Variants in CTNND2 observed in about 807,000 individuals in gnomAD.
CTNND2 encodes the protein catenin delta 2.
Under a neutral mutation model 144.4 loss-of-function variants are expected in CTNND2, and 22 were observed. The observed-to-expected ratio is 0.15, with a 90% CI of 0.11 to 0.22. The LOEUF is 0.22. CTNND2 is among the 10% of genes least tolerant of loss of function. CTNND2 has a pLI of 1.00. For missense variants in CTNND2, 1,353 were observed against 1,618.8 expected, an observed-to-expected ratio of 0.84 and a Z score of 2.82; for synonymous variants, 751 against 695.6, an observed-to-expected ratio of 1.08 and a Z score of -1.25.
At chr5:11,455,281 T>C (rs1197741852) in intron 3 of CTNND2, among the ~76,000 whole-genome samples, 1 of 152,130 alleles carries the variant, frequency 6.6e-6, no homozygotes, top group Non-Finnish European at 1.5e-5. Flanking sequence ...TCCATTTGTG[T>C]TTCCAAGGTG....
intron 2 of CTNND2, among the ~76,000 whole-genome samples, chr5:11,623,331 G>A (rs1244518843): frequency 2.6e-5 from 4 of 152,052 alleles, no homozygotes; most frequent in Admixed American, 1.3e-4. Flanking sequence ...AACTATGGGA[G>A]TGGTTTCCCC....
chr5:11,493,205 C>A (rs1769607886), intron 3 of CTNND2, among the ~76,000 whole-genome samples: 1 of 152,130 alleles, frequency 6.6e-6, no homozygotes, highest in African/African-American at 2.4e-5. Context: ...TGACCACATC[C>A]TGGCCTGCTG....
At chr5:11,790,787 T>G (rs1320212392) in intron 1 of CTNND2, among the ~76,000 whole-genome samples, 1 of 152,186 alleles carries the variant, frequency 6.6e-6, no homozygotes, top group East Asian at 1.9e-4. Context: ...TGGGACAATC[T>G]GACAGTGGAG....
intron 12 of CTNND2, among the ~76,000 whole-genome samples, chr5:11,147,159 C>T (rs1044650058): frequency 2.0e-5 from 3 of 152,182 alleles, no homozygotes; most frequent in African/African-American, 7.2e-5. Context: ...ACATGATCGT[C>T]ATGTACGTGA....
chr5:11,903,894 C>A lies in CTNND2; in HGVS notation c.-41G>T. The A allele has an allele frequency of 7.1e-7, 1 of 1,410,208 alleles. No homozygotes were observed. Among genetic ancestry groups the A allele is most frequent in the Non-Finnish European group, 9.2e-7 (1 of 1,089,388 alleles). 87.4% of individuals were successfully genotyped at this position (1,410,208 alleles called of 1,614,324 possible). On this transcript the variant is annotated 5_prime_UTR_variant, in exon 1 of 22. Coordinates refer to ENST00000304623, the MANE Select transcript of CTNND2 (RefSeq NM_001332.4). The surrounding 1 kb of genome is among the most constrained non-coding windows in gnomAD (Gnocchi z 5.4). The stretch of plus-strand genomic sequence containing the variant: ...GACAGCTCCTCAGTCCGGGAAGAGG[C>A]GTGCGCGGCGCCGCCCGGCTTCAGG...
chr5:11,903,492 G>A lies in CTNND2; in HGVS notation c.37+325C>T. 1 of 709,036 alleles carries A rather than the reference G, an allele frequency of 1.4e-6. No individual in the cohort carries two copies. The allele number at this position is 709,036 out of a possible 1,614,324, so 43.9% of individuals were successfully genotyped here. A position where few individuals can be genotyped will look rare whatever the true frequency, so the allele number is the denominator to read the frequency against. ...TGAATGCACCGAGTATGTTCTCAGGGTGGCGGGGAGCAGCATTGTCGGTGT... is the reference window on the plus strand; with the variant it reads ...TGAATGCACCGAGTATGTTCTCAGGATGGCGGGGAGCAGCATTGTCGGTGT... On this transcript the variant is annotated intron_variant, in intron 1 of 21. Transcript: ENST00000304623. This position sits in a 1 kb window ranked among gnomAD's most constrained non-coding sequence, Gnocchi z 5.4.
intron 2 of CTNND2, among the ~76,000 whole-genome samples, chr5:11,657,633 C>T (rs1428680772): frequency 6.6e-6 from 1 of 152,094 alleles, no homozygotes; most frequent in Non-Finnish European, 1.5e-5. Context: ...GACAATCACA[C>T]TAAAGACTGA....
At chr5:11,669,024 T>C (rs1172848404) in intron 2 of CTNND2, among the ~76,000 whole-genome samples, 1 of 152,198 alleles carries the variant, frequency 6.6e-6, no homozygotes, top group East Asian at 1.9e-4. Flanking sequence ...GAGATAATCA[T>C]GTGGTTTTTG....
intron 1 of CTNND2, among the ~76,000 whole-genome samples, chr5:11,835,497 T>C (rs1483198662): frequency 3.3e-5 from 5 of 152,214 alleles, no homozygotes; most frequent in African/African-American, 1.2e-4. Flanking sequence ...ATTTCCTTAA[T>C]AGCTATAGAA....
At chr5:11,843,557 A>C (rs949215094) in intron 1 of CTNND2, among the ~76,000 whole-genome samples, 4 of 152,216 alleles carry the variant, frequency 2.6e-5, no homozygotes, top group Non-Finnish European at 5.9e-5. Context: ...CATAAACCTG[A>C]TCTCAACAAA....
intron 10 of CTNND2, among the ~76,000 whole-genome samples, chr5:11,220,655 C>T (rs181169226): frequency 8.5e-5 from 13 of 152,238 alleles, no homozygotes; most frequent in East Asian, 1.9e-4. Flanking sequence ...CCCTTCTATG[C>T]GAGGGTGTGC....
chr5:11,251,146 T>C (rs1242484682), intron 9 of CTNND2, among the ~76,000 whole-genome samples: 3 of 152,246 alleles, frequency 2.0e-5, no homozygotes, highest in African/African-American at 7.2e-5. Context: ...ACACAATTAT[T>C]GGCCGGAGTG....
At chr5:11,595,622 T>C (rs1779464160) in intron 2 of CTNND2, among the ~76,000 whole-genome samples, 2 of 152,136 alleles carry the variant, frequency 1.3e-5, no homozygotes, top group African/African-American at 4.8e-5. Flanking sequence ...TTTCACTGTA[T>C]TCAAAGCAGG....
At chr5:11,216,225 C>G (rs1441655272) in intron 10 of CTNND2, among the ~76,000 whole-genome samples, 2 of 152,132 alleles carry the variant, frequency 1.3e-5, no homozygotes, top group Non-Finnish European at 2.9e-5. Flanking sequence ...ACAATGCCCC[C>G]CCACCGCCAC....
chr5:11,203,036 C>G (rs1468845871), intron 10 of CTNND2, among the ~76,000 whole-genome samples: 1 of 152,108 alleles, frequency 6.6e-6, no homozygotes, highest in East Asian at 1.9e-4. Flanking sequence ...AACTCCTGAC[C>G]TCAGGTGATC....
chr5:11,696,609 G>A lies in CTNND2; in HGVS notation c.174+35527C>T, dbSNP rs1322535522. Among the ~76,000 whole-genome samples, 3 of 152,152 alleles carry A rather than the reference G, an allele frequency of 2.0e-5. No homozygotes were observed. The South Asian group carries it at 6.2e-4, about 32-fold the overall frequency. On this transcript the variant is annotated intron_variant, in intron 2 of 21. Transcript: ENST00000304623. ...TGAGTTTCCATGGGTGACATTAATG[G>A]CTTGTTAGCATAATGTAGATGTAAG... is the stretch of plus-strand genomic sequence containing the variant.
chr5:11,376,192 C>A (rs1269896227), intron 7 of CTNND2, among the ~76,000 whole-genome samples: 2 of 152,152 alleles, frequency 1.3e-5, no homozygotes, highest in African/African-American at 2.4e-5. Flanking sequence ...GTAAGTTACA[C>A]AATTTATGAT....
intron 12 of CTNND2, among the ~76,000 whole-genome samples, chr5:11,157,436 C>A (rs1183940099): frequency 6.6e-6 from 1 of 152,162 alleles, no homozygotes; most frequent in Non-Finnish European, 1.5e-5. Context: ...GATCATAACA[C>A]TAAATTGCCA....
At chr5:11,254,665 G>A (rs1290932653) in intron 9 of CTNND2, among the ~76,000 whole-genome samples, 1 of 152,100 alleles carries the variant, frequency 6.6e-6, no homozygotes, top group East Asian at 1.9e-4. Context: ...ATTACAAAGT[G>A]GAAGACGGTC....
Sources: gnomAD v4.1 joint callset for allele counts (sites outside exome capture counted in the v4.1 genomes callset) on GRCh38, gnomAD v4.1.1 for gene constraint, Gnocchi (gnomAD v3.1) non-coding constraint, MANE v1.5 for transcripts, NCBI Gene and HGNC (gene_info 2026-07-23, HGNC 2026-07-21) for gene names.